Variants in EZH2 observed in about 807,000 individuals in gnomAD.
EZH2 encodes enhancer of zeste 2 polycomb repressive complex 2 subunit.
EZH2 carries 18 observed loss-of-function variants against 98.4 expected under a neutral mutation model. The observed-to-expected ratio is 0.18, with a 90% CI of 0.13 to 0.27. The LOEUF (loss-of-function observed/expected upper bound fraction) is 0.27. EZH2 is among the 10% of genes least tolerant of loss of function. The pLI is 1.00. For missense variants in EZH2, 470 were observed against 935.1 expected, an observed-to-expected ratio of 0.50 and a Z score of 6.49; for synonymous variants, 338 against 312.3, an observed-to-expected ratio of 1.08 and a Z score of -0.87.
intron 1 of EZH2, among the ~76,000 whole-genome samples, chr7:148,867,721 A>C (rs1206339540): frequency 6.6e-6 from 1 of 152,222 alleles, no homozygotes; most frequent in African/African-American, 2.4e-5. Context: ...AAATTTTCTA[A>C]ACTTTTATGT....
At chr7:148,880,216 G>T (rs1820769358) in intron 1 of EZH2, among the ~76,000 whole-genome samples, 1 of 152,156 alleles carries the variant, frequency 6.6e-6, no homozygotes, top group African/African-American at 2.4e-5. Context: ...AAATTTACCA[G>T]CTGTAACTTT....
At chr7:148,857,750 CAAATAAAT>C (rs559331887) in intron 1 of EZH2, among the ~76,000 whole-genome samples, 1,637 of 151,470 alleles carry the variant, frequency 0.011, 25 homozygotes, top group African/African-American at 0.038. Flanking sequence ...GACTCCGTCC[CAAATAAAT>C]AAATAAATAA....
intron 3 of EZH2, among the ~76,000 whole-genome samples, chr7:148,833,290 C>G (rs1809905825): frequency 6.6e-6 from 1 of 151,688 alleles, no homozygotes; most frequent in Non-Finnish European, 1.5e-5. Context: ...AACCCCGTCT[C>G]TACTAAAAAT....
At chr7:148,866,807 T>C (rs1337423125) in intron 1 of EZH2, among the ~76,000 whole-genome samples, 1 of 149,540 alleles carries the variant, frequency 6.7e-6, no homozygotes, top group Non-Finnish European at 1.5e-5. Flanking sequence ...CTCCACCTCC[T>C]GGGTTCAAGT....
intron 18 of EZH2, 45 bp from the exon 19 acceptor site, chr7:148,809,200 C>CGG (rs778373604): frequency 1.6e-5 from 26 of 1,595,444 alleles, no homozygotes; most frequent in Non-Finnish European, 2.1e-5. Context: ...AGACGGGCCA[C>CGG]GGGGGGTTAA....
intron 1 of EZH2, among the ~76,000 whole-genome samples, chr7:148,871,868 C>G (rs940947397): frequency 6.6e-6 from 1 of 152,066 alleles, no homozygotes; most frequent in African/African-American, 2.4e-5. Flanking sequence ...GCCACCACGC[C>G]CAGCCGAATA....
rs529884538 is a variant in EZH2 at position 148,879,429 on chromosome 7, G to A, written c.-8+4735C>T. Among the ~76,000 whole-genome samples the A allele has an allele frequency of 1.1e-4, 17 of 151,770 alleles. No individual in the cohort carries two copies. In the East Asian group the frequency reaches 2.7e-3, roughly 24 times the overall value. On this transcript the variant is annotated intron_variant, in intron 1 of 19. Transcript: ENST00000320356. ...TCGGAGGCTGGGCACAGTGACTGAC[G>A]CCTGTAATCCTAGTACTTTGGGAGG...
At chr7:148,858,402 C>G (rs1817173318) in intron 1 of EZH2, among the ~76,000 whole-genome samples, 1 of 152,110 alleles carries the variant, frequency 6.6e-6, no homozygotes, top group South Asian at 2.1e-4. Context: ...GTGGCCCGAC[C>G]GTAGCTCACT....
At chr7:148,862,514 G>C (rs1817822032) in intron 1 of EZH2, among the ~76,000 whole-genome samples, 1 of 152,158 alleles carries the variant, frequency 6.6e-6, no homozygotes, top group African/African-American at 2.4e-5. Flanking sequence ...TGAAGTGACA[G>C]TCTCACTTCA....
At chr7:148,816,567 CAGTTTA>C in intron 12 of EZH2, 111 bp downstream of exon 12, 6 of 665,280 alleles carry the variant, frequency 9.0e-6, no homozygotes. Flanking sequence ...TTTTTGATGG[CAGTTTA>C]AGGTTTTTTA....
intron 1 of EZH2, among the ~76,000 whole-genome samples, chr7:148,854,989 T>C (rs1312839851): frequency 6.6e-6 from 1 of 152,228 alleles, no homozygotes; most frequent in Non-Finnish European, 1.5e-5. Context: ...AAACAGATCC[T>C]ATGCCTGAGG....
intron 1 of EZH2, among the ~76,000 whole-genome samples, chr7:148,860,584 T>C (rs1353293812): frequency 1.3e-5 from 2 of 152,242 alleles, no homozygotes; most frequent in African/African-American, 4.8e-5. Context: ...CATTTTGGTC[T>C]CATGACCTGT....
At chr7:148,818,756 A>G (rs1584943545) in intron 9 of EZH2, among the ~76,000 whole-genome samples, 1 of 152,336 alleles carries the variant, frequency 6.6e-6, no homozygotes, top group East Asian at 1.9e-4. Context: ...ATGAAGTACA[A>G]TAATCCAGTC....
intron 1 of EZH2, among the ~76,000 whole-genome samples, chr7:148,872,482 A>G (rs962176959): frequency 2.0e-5 from 3 of 152,186 alleles, no homozygotes; most frequent in Non-Finnish European, 4.4e-5. Flanking sequence ...TTAATTTACT[A>G]TGGGCTTTTT....
At chr7:148,811,574 G>A (rs1803097600) in intron 16 of EZH2, 51 bp downstream of exon 16, 3 of 1,398,424 alleles carry the variant, frequency 2.1e-6, no homozygotes, top group Non-Finnish European at 3.0e-6. Context: ...CTAAAATAAA[G>A]TAAAGTTAGT....
chr7:148,807,628 G>A lies in EZH2; in HGVS notation c.*18C>T. On this transcript the variant is annotated 3_prime_UTR_variant, in exon 20 of 20. Transcript: ENST00000320356. The stretch of plus-strand genomic sequence containing the variant: ...CTAAGGCAGCTGTTTCAGAGGAGGG[G>A]GGAGGAGGTAGCAGATGTCAAGGGA... 1 of 1,586,556 alleles carries A rather than the reference G, an allele frequency of 6.3e-7. No homozygotes were observed.
intron 1 of EZH2, among the ~76,000 whole-genome samples, chr7:148,872,776 T>C (rs1819599669): frequency 6.6e-6 from 1 of 152,250 alleles, no homozygotes; most frequent in Non-Finnish European, 1.5e-5. Context: ...GTCTAGTCTT[T>C]AGTATCAAAA....
chr7:148,834,424 T>C (rs1810342313), intron 3 of EZH2, among the ~76,000 whole-genome samples: 1 of 151,630 alleles, frequency 6.6e-6, no homozygotes, highest in East Asian at 1.9e-4. Flanking sequence ...GTCTTAAAAA[T>C]AGCAGAACTA....
chr7:148,818,145 G>A, intron 9 of EZH2, 28 bp from the exon 10 acceptor site: 9 of 1,514,038 alleles, frequency 5.9e-6, no homozygotes, highest in South Asian at 2.7e-5. Context: ...TCAACATCAG[G>A]GCAAAGTTCT....
Sources: gnomAD v4.1 joint callset for allele counts (sites outside exome capture counted in the v4.1 genomes callset) on GRCh38, gnomAD v4.1.1 for gene constraint, MANE v1.5 for transcripts, NCBI Gene and HGNC (gene_info 2026-07-23, HGNC 2026-07-21) for gene names.